Variants in ATP10A observed in about 807,000 individuals in gnomAD.
ATP10A encodes phospholipid-transporting ATPase VA.
ATP10A carries 111 observed loss-of-function variants against 147.8 expected under a neutral mutation model. That is an observed-to-expected ratio of 0.75 (90% CI 0.64 to 0.88). ATP10A has a LOEUF of 0.88. Ranked by LOEUF, ATP10A falls within the 40% of genes least tolerant of loss-of-function variation. ATP10A has a pLI of 0.00. For synonymous variants in ATP10A, 875 were observed against 841.6 expected (o/e 1.04, Z -0.69); for missense variants, 1,927 against 1,959.0 (o/e 0.98, Z 0.31).
chr15:25,687,317 G>A (rs1899744760), intron 16 of ATP10A, among the ~76,000 whole-genome samples: 1 of 152,106 alleles, frequency 6.6e-6, no homozygotes, highest in South Asian at 2.1e-4. Flanking sequence ...TATGGACAGA[G>A]TGGTTAGGAG....
chr15:25,705,467 C>CAAAAAAAAAAAACA (rs11428171), intron 12 of ATP10A, among the ~76,000 whole-genome samples: 4 of 127,948 alleles, frequency 3.1e-5, no homozygotes, highest in East Asian at 2.2e-4. Flanking sequence ...AAAAAAAAAA[C>CAAAAAAAAAAAACA]AAAAAAAATC....
chr15:25,723,751 A>G (rs1025699459), intron 6 of ATP10A, 140 bp downstream of exon 6: 1 of 687,498 alleles, frequency 1.5e-6, no homozygotes, highest in Admixed American at 4.1e-5. Context: ...AGGCTGAAAA[A>G]TAAAAGGCAG....
At chr15:25,843,022 C>G (rs930188053) in intron 1 of ATP10A, among the ~76,000 whole-genome samples, 7 of 152,158 alleles carry the variant, frequency 4.6e-5, no homozygotes, top group Non-Finnish European at 7.3e-5. Flanking sequence ...CCTGGCCAAG[C>G]AGGCTTACTT....
At chr15:25,695,399 C>T (rs1024953570) in intron 13 of ATP10A, among the ~76,000 whole-genome samples, 2 of 151,872 alleles carry the variant, frequency 1.3e-5, no homozygotes, top group African/African-American at 2.4e-5. Flanking sequence ...GAGGCCGAGG[C>T]GGGTGGATCA....
At chr15:25,859,021 A>C (rs954591455) in intron 1 of ATP10A, among the ~76,000 whole-genome samples, 9 of 152,130 alleles carry the variant, frequency 5.9e-5, no homozygotes, top group Non-Finnish European at 1.0e-4. Context: ...AGGTCTGCTG[A>C]TTTAAGGTTT....
Position 25,740,313 on chromosome 15 carries a change from A to C in ATP10A, c.655-4172T>G, listed in dbSNP as rs964800990. On this transcript the variant is annotated intron_variant, in intron 2 of 20. Transcript: ENST00000555815. The stretch of plus-strand genomic sequence containing the variant: ...ATATTGCTTCAGCCATTGGGTGAGC[A>C]CACAGCACAGGTGCACACTTGGGTC... Among the ~76,000 whole-genome samples the C allele has an allele frequency of 2.6e-5, 4 of 152,250 alleles. No homozygotes were observed. In the South Asian group the frequency reaches 8.3e-4, roughly 31 times the overall value.
chr15:25,682,739 A>AG (rs1209828803), intron 17 of ATP10A, among the ~76,000 whole-genome samples: 11 of 152,222 alleles, frequency 7.2e-5, no homozygotes, highest in Admixed American at 7.2e-4. Flanking sequence ...ATCTGGAATT[A>AG]GGGATTATTG....
intron 1 of ATP10A, among the ~76,000 whole-genome samples, chr15:25,802,450 G>A (rs901761049): frequency 3.3e-5 from 5 of 152,104 alleles, no homozygotes; most frequent in African/African-American, 4.8e-5. Flanking sequence ...CCATGAACTC[G>A]CTTCCTGGGG....
intron 14 of ATP10A, among the ~76,000 whole-genome samples, chr15:25,692,206 G>A (rs1404816675): frequency 6.6e-6 from 1 of 152,166 alleles, no homozygotes; most frequent in Non-Finnish European, 1.5e-5. Context: ...AAGGGAAGGA[G>A]GTTAAATTCA....
chr15:25,857,081 A>G (rs761386318), intron 1 of ATP10A, among the ~76,000 whole-genome samples: 2 of 152,208 alleles, frequency 1.3e-5, no homozygotes, highest in Non-Finnish European at 1.5e-5. Context: ...TCAAGCATAC[A>G]TATTGAAAAG....
At chr15:25,841,279 G>GTTT (rs59687038) in intron 1 of ATP10A, among the ~76,000 whole-genome samples, 1 of 145,574 alleles carries the variant, frequency 6.9e-6, no homozygotes, top group Admixed American at 6.8e-5. Context: ...GAGGTTTAGG[G>GTTT]TTTTTTTTTT....
At chr15:25,795,898 C>T (rs1346930330) in intron 1 of ATP10A, among the ~76,000 whole-genome samples, 1 of 151,938 alleles carries the variant, frequency 6.6e-6, no homozygotes, top group African/African-American at 2.4e-5. Flanking sequence ...TCTATTAGTT[C>T]CTGTGAGAGC....
chr15:25,851,652 A>C (rs1390989452), intron 1 of ATP10A, among the ~76,000 whole-genome samples: 1 of 152,206 alleles, frequency 6.6e-6, no homozygotes, highest in Non-Finnish European at 1.5e-5. Flanking sequence ...GGTCCTCAAA[A>C]TTCTCAGTGG....
At chr15:25,722,086 T>C (rs895757929) in intron 6 of ATP10A, among the ~76,000 whole-genome samples, 177 bp from the exon 7 acceptor site, 8 of 152,130 alleles carry the variant, frequency 5.3e-5, no homozygotes, top group Admixed American at 5.2e-4. Context: ...TATTAGAGTA[T>C]TGGCAAAGAG....
intron 1 of ATP10A, among the ~76,000 whole-genome samples, chr15:25,803,784 G>T (rs1487139616): frequency 1.3e-5 from 2 of 152,302 alleles, no homozygotes; most frequent in East Asian, 3.9e-4. Context: ...TGGACAACTC[G>T]CAAACCTCCG....
chr15:25,712,947 G>A (rs889548207), intron 10 of ATP10A, among the ~76,000 whole-genome samples: 5 of 152,208 alleles, frequency 3.3e-5, no homozygotes, highest in Non-Finnish European at 5.9e-5. Flanking sequence ...CCAGTGGGAG[G>A]TAAAGTACTC....
In ATP10A at chr15:25,714,153, C is replaced by A; in HGVS notation, c.1865G>T (p.Cys622Phe). The part of the protein sequence containing the change: ...RFTPSCLTSG[C>F]SSIGSLAANK... The stretch of plus-strand genomic sequence containing the variant: ...GGCGGCCAGGCTCCCGATGCTGCTG[C>A]AGCCTGAGGTCAGGCAGCTGGGTGT... Residue 622 changes from cysteine to phenylalanine, a missense_variant, in exon 10 of 21, where the codon TGC (cysteine) becomes TTC (phenylalanine). Cys to Phe is a radical substitution (Grantham distance 205). Transcript: ENST00000555815. The A allele has an allele frequency of 6.2e-7, 1 of 1,611,006 alleles. No homozygotes were observed. The highest frequency in any genetic ancestry group is 1.3e-5 in the African/African-American group (1 of 75,064).
At chr15:25,765,196 TG>T (rs1379717412) in intron 2 of ATP10A, among the ~76,000 whole-genome samples, 1 of 152,138 alleles carries the variant, frequency 6.6e-6, no homozygotes, top group African/African-American at 2.4e-5. Flanking sequence ...TGTGTCTGCC[TG>T]GCACAGCCTG....
rs147725221 is a variant in ATP10A, at chr15:25,788,330, G to A, written c.450-7107C>T. Reference sequence around the variant, plus strand: ...TGACTCATCCCCAGTAAGACAGGGCGCCAGCCCAGAAGCCTGGACTCTGAG... The same window carrying A: ...TGACTCATCCCCAGTAAGACAGGGCACCAGCCCAGAAGCCTGGACTCTGAG... On this transcript the variant is annotated intron_variant, in intron 1 of 20. Coordinates refer to ENST00000555815, the MANE Select transcript of ATP10A (RefSeq NM_024490.4). Among the ~76,000 whole-genome samples the A allele has an allele frequency of 7.9e-5, 12 of 152,308 alleles. No homozygotes were observed. The East Asian group carries it at 1.5e-3, about 20-fold the overall frequency.
Sources: gnomAD v4.1 joint callset for allele counts (sites outside exome capture counted in the v4.1 genomes callset) on GRCh38, gnomAD v4.1.1 for gene constraint, MANE v1.5 for transcripts, NCBI Gene and HGNC (gene_info 2026-07-23, HGNC 2026-07-21) for gene names.